The following TAFA1 variants were observed in gnomAD, a reference collection of about 807,000 sequenced individuals.
TAFA1 encodes TAFA chemokine like family member 1.
A neutral mutation model predicts 18.5 loss-of-function variants in TAFA1; 4 were observed. The observed-to-expected ratio is 0.22, with a 90% confidence interval of 0.11 to 0.49. The LOEUF (loss-of-function observed/expected upper bound fraction) is 0.49. Ranked by LOEUF, TAFA1 falls within the 20% of genes least tolerant of loss-of-function variation. TAFA1 has a pLI of 0.98. For synonymous variants in TAFA1, 56 were observed against 55.2 expected, an observed-to-expected ratio of 1.01 and a Z score of -0.06; for missense variants, 147 against 169.0, an observed-to-expected ratio of 0.87 and a Z score of 0.72.
chr3:68,283,294 G>C (rs767965163), intron 2 of TAFA1, among the ~76,000 whole-genome samples: 7 of 152,184 alleles, frequency 4.6e-5, no homozygotes, highest in Non-Finnish European at 5.9e-5. Context: ...TGGAGATTCA[G>C]TCTTATAGTC....
chr3:68,401,672 G>A (rs1371403214), intron 2 of TAFA1, among the ~76,000 whole-genome samples: 2 of 152,174 alleles, frequency 1.3e-5, no homozygotes, highest in African/African-American at 4.8e-5. Flanking sequence ...TCTGCATTTG[G>A]ATCTCTTTGT....
intron 1 of TAFA1, among the ~76,000 whole-genome samples, chr3:68,005,628 A>G (rs1704344389): frequency 6.6e-6 from 1 of 152,224 alleles, no homozygotes; most frequent in African/African-American, 2.4e-5. Context: ...GACAGTGAAA[A>G]GGAAAAGAAA....
At chr3:68,397,097 T>C (rs2070395413) in intron 2 of TAFA1, among the ~76,000 whole-genome samples, 1 of 152,160 alleles carries the variant, frequency 6.6e-6, no homozygotes, top group Non-Finnish European at 1.5e-5. Flanking sequence ...AGAAAGGTGC[T>C]GTTTCTCTAA....
intron 2 of TAFA1, among the ~76,000 whole-genome samples, chr3:68,366,753 T>G (rs1575808710): frequency 6.6e-6 from 1 of 152,288 alleles, no homozygotes; most frequent in African/African-American, 2.4e-5. Flanking sequence ...CTCATCTAGG[T>G]TTTGTGGGTT....
At chr3:68,243,373 G>C (rs2067026512) in intron 2 of TAFA1, among the ~76,000 whole-genome samples, 4 of 149,146 alleles carry the variant, frequency 2.7e-5, no homozygotes, top group Admixed American at 2.7e-4. Context: ...TGCTCACATG[G>C]GTACCTTCAT....
chr3:68,424,202 G>A (rs575700769), intron 3 of TAFA1, among the ~76,000 whole-genome samples: 4 of 152,112 alleles, frequency 2.6e-5, no homozygotes, highest in African/African-American at 7.2e-5. Context: ...CCCAAGATAA[G>A]TGCAAATGAG....
intron 3 of TAFA1, among the ~76,000 whole-genome samples, chr3:68,495,663 A>T (rs950220524): frequency 1.1e-4 from 16 of 152,054 alleles, no homozygotes; most frequent in African/African-American, 1.4e-4. Flanking sequence ...CTACCAACTA[A>T]CTTTCTTGAT....
intron 2 of TAFA1, among the ~76,000 whole-genome samples, chr3:68,259,697 C>A (rs1004446753): frequency 6.6e-6 from 1 of 151,872 alleles, no homozygotes; most frequent in Non-Finnish European, 1.5e-5. Flanking sequence ...CTCTTTGAAG[C>A]AATTGTGAAT....
At chr3:68,245,451 A>T (rs2067060080) in intron 2 of TAFA1, among the ~76,000 whole-genome samples, 1 of 152,144 alleles carries the variant, frequency 6.6e-6, no homozygotes, top group Admixed American at 6.5e-5. Context: ...TGTGATTTAC[A>T]TGTTACACCC....
At chr3:68,043,074 G>A (rs1705199133) in intron 2 of TAFA1, among the ~76,000 whole-genome samples, 2 of 152,130 alleles carry the variant, frequency 1.3e-5, no homozygotes, top group East Asian at 1.9e-4. Flanking sequence ...TAGTAGAGAC[G>A]GGGTTTCACC....
chr3:68,329,195 T>C (rs143170550), intron 2 of TAFA1, among the ~76,000 whole-genome samples: 6,725 of 141,646 alleles, frequency 0.047, 224 homozygotes, highest in African/African-American at 0.079. Context: ...ATTACAGGTG[T>C]GCACAACCAT....
intron 2 of TAFA1, among the ~76,000 whole-genome samples, chr3:68,018,063 T>G (rs1392646018): frequency 2.0e-5 from 3 of 152,306 alleles, no homozygotes; most frequent in Non-Finnish European, 2.9e-5. Flanking sequence ...GTAGCAGACC[T>G]TGATGGCTAG....
intron 3 of TAFA1, among the ~76,000 whole-genome samples, chr3:68,481,942 C>G (rs1193741712): frequency 6.6e-6 from 1 of 152,194 alleles, no homozygotes; most frequent in East Asian, 1.9e-4. Flanking sequence ...GAGTAATTCT[C>G]CCAAGACACA....
chr3:68,002,437 C>A (rs1704293435), upstream of TAFA1, among the ~76,000 whole-genome samples: 1 of 152,072 alleles, frequency 6.6e-6, no homozygotes, highest in African/African-American at 2.4e-5. Context: ...AAATGAAAAA[C>A]ATAATGGTTA....
intron 3 of TAFA1, among the ~76,000 whole-genome samples, chr3:68,528,753 A>T (rs1248905091): frequency 6.6e-6 from 1 of 152,186 alleles, no homozygotes; most frequent in African/African-American, 2.4e-5. Context: ...TCAACCATTT[A>T]ATTTATGCTC....
chr3:68,488,561 A>G (rs528760045), intron 3 of TAFA1, among the ~76,000 whole-genome samples: 2 of 152,324 alleles, frequency 1.3e-5, no homozygotes, highest in South Asian at 2.1e-4. Context: ...CTGGAGTCCT[A>G]TTTGGGTTCA....
chr3:68,207,339 A>G (rs1426400321), intron 2 of TAFA1, among the ~76,000 whole-genome samples: 1 of 151,984 alleles, frequency 6.6e-6, no homozygotes, highest in Non-Finnish European at 1.5e-5. Context: ...ATCGTAGTTA[A>G]TTGGTGCTAT....
intron 2 of TAFA1, among the ~76,000 whole-genome samples, chr3:68,061,636 A>G (rs2064603391): frequency 6.6e-6 from 1 of 152,248 alleles, no homozygotes; most frequent in Non-Finnish European, 1.5e-5. Context: ...CCAGAATCAC[A>G]GGTGCATTTT....
chr3:68,379,811 A>G (rs1479880162), intron 2 of TAFA1, among the ~76,000 whole-genome samples: 1 of 151,682 alleles, frequency 6.6e-6, no homozygotes, highest in East Asian at 1.9e-4. Flanking sequence ...ACATGTGCAC[A>G]ACATGCAGGT....
Sources: allele counts gnomAD v4.1 joint callset (sites outside exome capture counted in the v4.1 genomes callset), GRCh38; gene constraint gnomAD v4.1.1; transcripts MANE v1.5; gene names NCBI Gene and HGNC (gene_info 2026-07-23, HGNC 2026-07-21).